Variants in MELTF observed in about 807,000 individuals in gnomAD.
MELTF encodes the protein melanotransferrin, also known as antigen p97 (melanoma associated) identified by monoclonal antibodies 133.2 and 96.5.
A neutral mutation model predicts 83.7 loss-of-function variants in MELTF; 67 were observed. That is an observed-to-expected ratio of 0.80 (90% confidence interval 0.66 to 0.98). The LOEUF (loss-of-function observed/expected upper bound fraction) is 0.98. Among genes scored for constraint, MELTF ranks in the 50% least tolerant of loss-of-function variants. The pLI is 0.00. For missense variants in MELTF, 1,002 were observed against 1,035.6 expected, an observed-to-expected ratio of 0.97 and a Z score of 0.44; for synonymous variants, 462 against 447.6, an observed-to-expected ratio of 1.03 and a Z score of -0.41.
rs1231985902 is a variant in MELTF, at chr3:197,024,373, G to T, written c.417C>A (p.Gly139=). 1 of 1,608,920 alleles carries T rather than the reference G, an allele frequency of 6.2e-7. No individual in the cohort carries two copies. Among genetic ancestry groups the T allele is most frequent in the East Asian group, 2.2e-5 (1 of 44,740 alleles). Residue 139 remains glycine, a synonymous_variant, in exon 4 of 16, where the codon GGC becomes GGA. Transcript: ENST00000296350. The surrounding 1 kb of genome is among the most constrained non-coding windows in gnomAD (Gnocchi z 5.3). ...CCAGGTAGCCCACGGGCACGTTCCA[G>T]CCCACTGTGCGATTGATGCCCGTGT... ...SCHTGINRTV[G]WNVPVGYLVE... is the part of the protein sequence containing the mutation.
rs536477856 is a variant in MELTF, at chr3:197,022,246, C to T, written c.644+711G>A. Reference sequence around the variant, plus strand: ...AGGGATTAGAGCAGATCGGGGCGGGCGACATCAGGAGAGGGCTCTGAGGCT... The same window carrying T: ...AGGGATTAGAGCAGATCGGGGCGGGTGACATCAGGAGAGGGCTCTGAGGCT... On this transcript the variant is annotated intron_variant, in intron 5 of 15. Coordinates refer to ENST00000296350, the MANE Select transcript of MELTF (RefSeq NM_005929.6). The surrounding 1 kb of genome is among the most constrained non-coding windows in gnomAD (Gnocchi z 5.1). Among the ~76,000 whole-genome samples the T allele has an allele frequency of 9.9e-5, 15 of 151,978 alleles. No individual in the cohort carries two copies. Among genetic ancestry groups the T allele is most frequent in the Non-Finnish European group, 1.6e-4 (11 of 68,000 alleles).
chr3:197,018,308 C>A (rs1404271407), intron 6 of MELTF, among the ~76,000 whole-genome samples: 1 of 145,252 alleles, frequency 6.9e-6, no homozygotes, highest in African/African-American at 2.6e-5. Flanking sequence ...CCACCACGCC[C>A]GGCTAATTTT....
In MELTF at chr3:197,029,028, T is replaced by G. The variant is rs1319116302; in HGVS notation, c.49+626A>C. 6.6e-6 allele frequency: 1 copy of G among 152,264 alleles called. No homozygotes were observed. The highest frequency in any genetic ancestry group is 1.5e-5 in the Non-Finnish European group (1 of 68,126). 9.4% of individuals were successfully genotyped at this position (152,264 alleles called of 1,614,324 possible). A position where few individuals can be genotyped will look rare whatever the true frequency, so the allele number is the denominator to read the frequency against. ...GGTGGCGGTGGCTTCATCGTTTGCATTGATGAGTGCGTCGCCTGCGGCCAC... is the reference window on the plus strand; with the variant it reads ...GGTGGCGGTGGCTTCATCGTTTGCAGTGATGAGTGCGTCGCCTGCGGCCAC... On this transcript the variant is annotated intron_variant, in intron 1 of 15. Coordinates refer to ENST00000296350, the MANE Select transcript of MELTF (RefSeq NM_005929.6). The surrounding 1 kb of genome is among the most constrained non-coding windows in gnomAD (Gnocchi z 6.5).
At chr3:197,016,986 G>T in intron 7 of MELTF, 117 bp downstream of exon 7, 2 of 1,163,740 alleles carry the variant, frequency 1.7e-6, no homozygotes, top group Non-Finnish European at 2.4e-6. Flanking sequence ...CGATGCTGGG[G>T]TCCGTCCCAA....
chr3:197,017,939 G>A (rs933364861), intron 6 of MELTF, among the ~76,000 whole-genome samples: 5 of 152,172 alleles, frequency 3.3e-5, no homozygotes, highest in Admixed American at 6.5e-5. Flanking sequence ...ATGAGCTTGC[G>A]GCTGCCATGA....
At chr3:197,010,603 G>A in intron 10 of MELTF, 95 bp downstream of exon 10, 1 of 1,049,944 alleles carries the variant, frequency 9.5e-7, no homozygotes, top group African/African-American at 1.6e-5. Context: ...AGAGAGGCAT[G>A]GAGCTTTTGA....
intron 9 of MELTF, among the ~76,000 whole-genome samples, chr3:197,014,080 A>T (rs978459053): frequency 1.3e-5 from 2 of 152,248 alleles, no homozygotes; most frequent in Non-Finnish European, 2.9e-5. Flanking sequence ...AGCACTGGCC[A>T]CAATAGCCAG....
intron 4 of MELTF, chr3:197,023,750 A>G (rs1481033161): frequency 8.9e-6 from 4 of 447,994 alleles, no homozygotes; most frequent in African/African-American, 4.1e-5. Context: ...CTCCCAGAGG[A>G]GTAGATATTT....
Position 197,009,797 on chromosome 3 carries a change from TTGC to T in MELTF, c.1343_1345del (p.Ser448del). 6.2e-7 allele frequency: 1 copy of T among 1,610,940 alleles called. No homozygotes were observed. The highest frequency in any genetic ancestry group is 8.5e-7 in the Non-Finnish European group (1 of 1,178,008). On this transcript the variant is annotated inframe_deletion, in exon 11 of 16. Transcript: ENST00000296350. ...CACCACGGCCACCACGTAGTACGAG[TTGC>T]TGCTGTCTTCCGCTGGGGAGAGAGG...
Position 197,008,753 on chromosome 3 carries a change from G to C in MELTF, c.1683-29C>G. On this transcript the variant is annotated intron_variant, in intron 12 of 15. Transcript: ENST00000296350. This position sits in a 1 kb window ranked among gnomAD's most constrained non-coding sequence, Gnocchi z 5.4. ...CCACACAGAGGGCAGGGCAGGCGTC[G>C]GCAGGAGGGTCCCAGCCTCTGCACA... 1 of 1,613,698 alleles carries C rather than the reference G, an allele frequency of 6.2e-7. No homozygotes were observed. Among genetic ancestry groups the C allele is most frequent in the Non-Finnish European group, 8.5e-7 (1 of 1,179,818 alleles).
At chr3:197,026,895 G>A (rs1719879708) in intron 2 of MELTF, 136 bp from the exon 3 acceptor site, 2 of 665,954 alleles carry the variant, frequency 3.0e-6, no homozygotes, top group Non-Finnish European at 5.3e-6. Context: ...TGTCCCAGGA[G>A]CCCAACCAGA....
At chr3:197,016,521 C>T (rs1269244825) in intron 7 of MELTF, 152 bp from the exon 8 acceptor site, 1 of 635,698 alleles carries the variant, frequency 1.6e-6, no homozygotes, top group Non-Finnish European at 2.6e-6. Flanking sequence ...GCGGCGCCTC[C>T]CCTGATCTGC....
Position 197,003,725 on chromosome 3 carries a change from C to T in MELTF, c.2137+176G>A, listed in dbSNP as rs895942568. ...CCGTCTGGGAGACCCGCCGGGCTCC[C>T]GCCCTCCCGGCCCGCAGCCTCCTGG... On this transcript the variant is annotated intron_variant, in intron 15 of 15. Transcript: ENST00000296350. This position sits in a 1 kb window ranked among gnomAD's most constrained non-coding sequence, Gnocchi z 6.2. 1.4e-5 allele frequency: 10 copies of T among 738,566 alleles called. No homozygotes were observed. Among genetic ancestry groups the T allele is most frequent in the African/African-American group, 1.8e-5 (1 of 56,328 alleles). 45.8% of individuals were successfully genotyped at this position (738,566 alleles called of 1,614,324 possible). A position where few individuals can be genotyped will look rare whatever the true frequency, so the allele number is the denominator to read the frequency against.
chr3:197,019,211 C>G (rs60168961), intron 6 of MELTF: 1 of 1,002,568 alleles, frequency 1.0e-6, no homozygotes, highest in Admixed American at 5.3e-5. Flanking sequence ...TCCTGTTTTT[C>G]GGCGGCTGCA....
Position 197,027,906 on chromosome 3 carries a change from G to A in MELTF, c.54C>T (p.Leu18=), listed in dbSNP as rs758688019. ...CGCACCACCGCACCTCCATGCCACC[G>A]AGCACTGCGGGCAGGGGACCGTGAG... ...LWLLLALRTV[L]GGMEVRWCAT... The change falls in exon 2 of 16, where the codon CTC becomes CTT. Residue 18 remains leucine (L), a synonymous_variant. Transcript: ENST00000296350. The A allele has an allele frequency of 1.1e-5, 17 of 1,584,322 alleles. No homozygotes were observed. Among genetic ancestry groups the A allele is most frequent in the African/African-American group, 4.0e-5 (3 of 74,506 alleles).
rs1014895318 is a variant in MELTF at position 197,003,455 on chromosome 3, G to T, written c.2138-4C>A. The T allele has an allele frequency of 9.1e-5, 99 of 1,082,478 alleles. No individual in the cohort carries two copies. The highest frequency in any genetic ancestry group is 1.0e-4 in the Non-Finnish European group (92 of 896,918). 67.1% of individuals were successfully genotyped at this position (1,082,478 alleles called of 1,614,324 possible). A position where few individuals can be genotyped will look rare whatever the true frequency, so the allele number is the denominator to read the frequency against. On this transcript the variant is annotated splice_region_variant and splice_polypyrimidine_tract_variant and intron_variant, in intron 15 of 15. Transcript: ENST00000296350. The surrounding 1 kb of genome is among the most constrained non-coding windows in gnomAD (Gnocchi z 6.2). ...GGCGCCCCGGGCGCCGGGGCCGCTG[G>T]GGACGAACGCGGCGGGTCAGGCCCC...
chr3:197,025,305 A>G (rs1719808477), intron 3 of MELTF, among the ~76,000 whole-genome samples: 1 of 152,242 alleles, frequency 6.6e-6, no homozygotes, highest in East Asian at 1.9e-4. Context: ...CTTCTTGCAC[A>G]CCAGGGTCTG....
chr3:197,027,050 G>A, intron 2 of MELTF: 1 of 398,084 alleles, frequency 2.5e-6, no homozygotes, highest in Non-Finnish European at 4.7e-6. Flanking sequence ...GCAGTGACAA[G>A]TGAGTCTCCC....
Position 197,022,097 on chromosome 3 carries a change from G to C in MELTF, c.645-626C>G, listed in dbSNP as rs759644208. ...GAAGGCCTTTTCATGCCATGCCGCAGAATCCTCAGTGGAAGGGACCATTGA... is the reference window on the plus strand; with the variant it reads ...GAAGGCCTTTTCATGCCATGCCGCACAATCCTCAGTGGAAGGGACCATTGA... On this transcript the variant is annotated intron_variant, in intron 5 of 15. Coordinates refer to ENST00000296350, the MANE Select transcript of MELTF (RefSeq NM_005929.6). This position sits in a 1 kb window ranked among gnomAD's most constrained non-coding sequence, Gnocchi z 5.1. 1.9e-4 allele frequency among the ~76,000 whole-genome samples: 29 copies of C among 152,194 alleles called. No individual in the cohort carries two copies. Among genetic ancestry groups the C allele is most frequent in the Non-Finnish European group, 4.0e-4 (27 of 68,038 alleles).
Sources: gnomAD v4.1 joint callset for allele counts (sites outside exome capture counted in the v4.1 genomes callset) on GRCh38, gnomAD v4.1.1 for gene constraint, Gnocchi (gnomAD v3.1) non-coding constraint, MANE v1.5 for transcripts, NCBI Gene and HGNC (gene_info 2026-07-23, HGNC 2026-07-21) for gene names.